Variants in UBE3C observed in about 807,000 individuals in gnomAD.
The protein encoded by UBE3C is ubiquitin protein ligase E3C.
Under a neutral mutation model 129.4 loss-of-function variants are expected in UBE3C, and 42 were observed. The observed-to-expected ratio is 0.32, with a 90% confidence interval of 0.25 to 0.42. The LOEUF (loss-of-function observed/expected upper bound fraction) is 0.42, where lower values mean the gene tolerates loss of function less well. Among genes scored for constraint, UBE3C ranks in the 10% least tolerant of loss-of-function variants. The probability of loss-of-function intolerance (pLI) is 1.00; values close to 1 mark genes in which losing one functional copy is unlikely to be tolerated. For synonymous variants in UBE3C, 510 were observed against 492.4 expected, an observed-to-expected ratio of 1.04 and a Z score of -0.47; for missense variants, 1,049 against 1,319.1, an observed-to-expected ratio of 0.80 and a Z score of 3.17.
At chr7:157,261,248 G>C (rs1467442209) in intron 22 of UBE3C, among the ~76,000 whole-genome samples, 1 of 144,748 alleles carries the variant, frequency 6.9e-6, no homozygotes. Flanking sequence ...GGAGGTTGCA[G>C]TGAACCAAGA....
intron 2 of UBE3C, among the ~76,000 whole-genome samples, chr7:157,168,498 A>G (rs569503826): frequency 6.6e-6 from 1 of 152,356 alleles, no homozygotes; most frequent in Admixed American, 6.5e-5. Context: ...ATGAATGTTC[A>G]TAGCAGCCTT....
At chr7:157,190,967 C>T (rs1808947115) in intron 10 of UBE3C, among the ~76,000 whole-genome samples, 1 of 152,154 alleles carries the variant, frequency 6.6e-6, no homozygotes, top group African/African-American at 2.4e-5. Flanking sequence ...GGCATGTTCT[C>T]AGGGGCTTGG....
In UBE3C at chr7:157,170,362, CT is replaced by C. The variant is rs1344771317; in HGVS notation, c.258del (p.Ile88LeufsTer11). ...RCATLSQSGG[A>X]FPIANGPNLT... is the part of the protein sequence containing the mutation. Reference sequence around the variant, plus strand: ...GCTACCTTGTCACAGTCCGGGGGCGCTTTTCCCATTGCTAATGGCCCCAACC... The same window carrying C: ...GCTACCTTGTCACAGTCCGGGGGCGCTTTCCCATTGCTAATGGCCCCAACC... On this transcript the variant is annotated frameshift_variant, in exon 4 of 23. Transcript: ENST00000348165. LOFTEE classifies it high-confidence loss of function. The C allele has an allele frequency of 6.3e-6, 10 of 1,578,372 alleles. No individual in the cohort carries two copies. The Admixed American group carries it at 7.7e-5, about 12-fold the overall frequency.
intron 21 of UBE3C, among the ~76,000 whole-genome samples, chr7:157,254,923 G>A (rs1796709601): frequency 1.2e-5 from 1 of 86,734 alleles, no homozygotes; most frequent in South Asian, 3.7e-4. Flanking sequence ...TCCCAGCGTG[G>A]TGGCGTACAC....
At chr7:157,246,787 A>ACTGTTCTCCAC (rs1223097456) in intron 18 of UBE3C, among the ~76,000 whole-genome samples, 1 of 152,074 alleles carries the variant, frequency 6.6e-6, no homozygotes, top group Non-Finnish European at 1.5e-5. Context: ...TTTCTCTAAA[A>ACTGTTCTCCAC]CTGTTCTCCA....
At chr7:157,201,402 C>G (rs1586684191) in intron 10 of UBE3C, among the ~76,000 whole-genome samples, 1 of 148,658 alleles carries the variant, frequency 6.7e-6, no homozygotes, top group Non-Finnish European at 1.5e-5. Context: ...CGATATGTAG[C>G]AGAGGGGGAG....
chr7:157,170,528 A>G, intron 4 of UBE3C, 78 bp downstream of exon 4: 1 of 1,386,968 alleles, frequency 7.2e-7, no homozygotes, highest in African/African-American at 1.5e-5. Flanking sequence ...ATGGCTTCTC[A>G]TCAGAAAGTT....
rs1809476936 is a variant in UBE3C at position 157,207,851 on chromosome 7, A to G, written c.1725A>G (p.Ala575=). Residue 575 remains alanine (A), a synonymous_variant, in exon 13 of 23, where the codon GCA becomes GCG. Transcript: ENST00000348165. ...KPEVREEYIT[A]FQSIGVTTSS... is the part of the protein sequence containing the mutation. ...AAGTTCGAGAAGAATATATTACAGC[A>G]TTTCAGAGTATTGGAGTTACTACTA... 3 of 1,614,032 alleles carry G rather than the reference A, an allele frequency of 1.9e-6. No homozygotes were observed. The highest frequency in any genetic ancestry group is 2.5e-6 in the Non-Finnish European group (3 of 1,180,008).
chr7:157,231,460 C>A, intron 18 of UBE3C, 133 bp downstream of exon 18: 1 of 1,377,412 alleles, frequency 7.3e-7, no homozygotes, highest in Non-Finnish European at 9.8e-7. Context: ...GTTGCAAAAG[C>A]ACTGCACGAA....
intron 9 of UBE3C, among the ~76,000 whole-genome samples, chr7:157,186,606 T>C (rs1287418215): frequency 6.6e-6 from 1 of 152,084 alleles, no homozygotes. Flanking sequence ...TGTTATATCA[T>C]AGGCAAAAAC....
chr7:157,213,089 C>G (rs1023201350), intron 13 of UBE3C, among the ~76,000 whole-genome samples: 2 of 152,164 alleles, frequency 1.3e-5, no homozygotes, highest in African/African-American at 4.8e-5. Flanking sequence ...TTTATTAGTA[C>G]TTGAATAATG....
chr7:157,203,427 C>T (rs928599425), intron 11 of UBE3C, among the ~76,000 whole-genome samples: 4 of 152,116 alleles, frequency 2.6e-5, no homozygotes, highest in Non-Finnish European at 5.9e-5. Flanking sequence ...GCATTTCAGC[C>T]ACTTCTGACT....
intron 18 of UBE3C, among the ~76,000 whole-genome samples, chr7:157,239,017 C>T (rs946149404): frequency 6.6e-6 from 1 of 152,098 alleles, no homozygotes; most frequent in Admixed American, 6.6e-5. Context: ...ATTTCTGTGG[C>T]GTGGTGAAGG....
At chr7:157,218,571 A>T (rs933344) in intron 14 of UBE3C, among the ~76,000 whole-genome samples, 72,359 of 152,194 alleles carry the variant, frequency 0.48, 19,817 homozygotes, top group African/African-American at 0.77. Flanking sequence ...AGCCTGTTGC[A>T]TCTAACTCTG....
intron 1 of UBE3C, among the ~76,000 whole-genome samples, chr7:157,149,350 C>T (rs1334926885): frequency 6.6e-6 from 1 of 152,178 alleles, no homozygotes; most frequent in Non-Finnish European, 1.5e-5. Flanking sequence ...GCCACTATGC[C>T]TGGCCAGGAA....
rs1795784685 is a variant in UBE3C, at chr7:157,223,172, A to G, written c.2003-82A>G. 5.0e-6 allele frequency: 7 copies of G among 1,414,142 alleles called. No individual in the cohort carries two copies. The East Asian group carries it at 1.4e-4, about 28-fold the overall frequency. 87.6% of individuals were successfully genotyped at this position (1,414,142 alleles called of 1,614,324 possible). On this transcript the variant is annotated intron_variant, in intron 15 of 22. Coordinates refer to ENST00000348165, the MANE Select transcript of UBE3C (RefSeq NM_014671.3). The stretch of plus-strand genomic sequence containing the variant: ...AAATGAGTTAATCAGGATGATTTCA[A>G]GAATCTTCACCTTAAGAATTGTCAG...
chr7:157,161,037 A>T (rs929946299), intron 1 of UBE3C, among the ~76,000 whole-genome samples: 5 of 152,212 alleles, frequency 3.3e-5, no homozygotes, highest in African/African-American at 9.7e-5. Context: ...TAAGAACTCT[A>T]TAAGATTGGA....
intron 2 of UBE3C, among the ~76,000 whole-genome samples, chr7:157,166,915 G>GTGA (rs1808231837): frequency 8.9e-6 from 1 of 112,818 alleles, no homozygotes; most frequent in Admixed American, 8.5e-5. Flanking sequence ...TTTCCTGTTG[G>GTGA]TGGTGGTGGT....
Position 157,142,879 on chromosome 7 carries a change from G to C in UBE3C, c.66+3541G>C, listed in dbSNP as rs1289669409. Among the ~76,000 whole-genome samples, 3 of 149,382 alleles carry C rather than the reference G, an allele frequency of 2.0e-5. No homozygotes were observed. In the East Asian group the frequency reaches 5.8e-4, roughly 29 times the overall value. Reference sequence around the variant, plus strand: ...ATTTTTTTTTTTTTTTTGAGATGGAGTTTCGCTCACGCTGGAGCGCAGTGT... The same window carrying C: ...ATTTTTTTTTTTTTTTTGAGATGGACTTTCGCTCACGCTGGAGCGCAGTGT... On this transcript the variant is annotated intron_variant, in intron 1 of 22. Transcript: ENST00000348165.
Sources: gnomAD v4.1 joint callset for allele counts (sites outside exome capture counted in the v4.1 genomes callset) on GRCh38, gnomAD v4.1.1 for gene constraint, MANE v1.5 for transcripts, NCBI Gene and HGNC (gene_info 2026-07-23, HGNC 2026-07-21) for gene names.